Variants in NPEPPS observed in about 807,000 individuals in gnomAD.
The protein encoded by NPEPPS is aminopeptidase puromycin sensitive.
Under a neutral mutation model 115.5 loss-of-function variants are expected in NPEPPS, and 14 were observed. That is an observed-to-expected ratio of 0.12 (90% confidence interval 0.08 to 0.19). The LOEUF is 0.19. Ranked by LOEUF, NPEPPS falls within the 10% of genes least tolerant of loss-of-function variation. The pLI is 1.00. For missense variants in NPEPPS, 523 were observed against 1,110.8 expected, an observed-to-expected ratio of 0.47 and a Z score of 7.52; for synonymous variants, 285 against 390.6, an observed-to-expected ratio of 0.73 and a Z score of 3.19.
chr17:47,569,343 T>C, intron 2 of NPEPPS, 74 bp from the exon 3 acceptor site: 1 of 951,336 alleles, frequency 1.1e-6, no homozygotes, highest in Admixed American at 2.5e-5. Context: ...ATTTTGCTCT[T>C]GAAAATGTTG....
chr17:47,524,722 T>C (rs1456373585), intron 1 of NPEPPS, among the ~76,000 whole-genome samples: 3 of 150,590 alleles, frequency 2.0e-5, no homozygotes, highest in African/African-American at 7.3e-5. Context: ...GCCAGGATGG[T>C]CTCGATCTCC....
At chr17:47,596,746 T>C (rs1157921001) in intron 13 of NPEPPS, among the ~76,000 whole-genome samples, 1 of 152,226 alleles carries the variant, frequency 6.6e-6, no homozygotes, top group Non-Finnish European at 1.5e-5. Flanking sequence ...AAGGTTGGTT[T>C]AACATTTTTT....
In NPEPPS at chr17:47,599,709, A is replaced by C. The variant is rs1463451485; in HGVS notation, c.1570A>C (p.Lys524Gln). ...EDDRLLRLSQ[K>Q]KFCAGGSYVG... ...TGACAGATTATTGAGGTTGTCCCAA[A>C]AGAAGTTCTGTGCTGGTGGGTCATA... is the stretch of plus-strand genomic sequence containing the variant. The change falls in exon 14 of 23, where the codon AAG becomes CAG. Residue 524 changes from lysine to glutamine, a missense_variant. Coordinates refer to ENST00000322157, the MANE Select transcript of NPEPPS (RefSeq NM_006310.4). 1 of 1,563,280 alleles carries C rather than the reference A, an allele frequency of 6.4e-7. No individual in the cohort carries two copies. The highest frequency in any genetic ancestry group is 8.7e-7 in the Non-Finnish European group (1 of 1,152,214).
chr17:47,540,548 T>C (rs1908676500), intron 1 of NPEPPS, among the ~76,000 whole-genome samples: 1 of 152,244 alleles, frequency 6.6e-6, no homozygotes, highest in South Asian at 2.1e-4. Context: ...CACATACACT[T>C]ATGTCCAAAC....
chr17:47,620,933 A>G (rs1914527216), intron 22 of NPEPPS, among the ~76,000 whole-genome samples: 1 of 152,176 alleles, frequency 6.6e-6, no homozygotes, highest in Admixed American at 6.6e-5. Context: ...CTGTAATTCC[A>G]GCATTTTGGG....
At chr17:47,527,491 A>T (rs1201408744), upstream of NPEPPS, among the ~76,000 whole-genome samples, 2 of 152,074 alleles carry the variant, frequency 1.3e-5, no homozygotes, top group African/African-American at 2.4e-5. Context: ...TCTCAAAAAA[A>T]ACCCAAAACA....
chr17:47,531,465 T>A lies in NPEPPS; in HGVS notation c.165T>A (p.Pro55=). ...MPEKRPFERL[P]ADVSPINYSL... ...AGAAGAGGCCCTTCGAGCGGCTGCC[T>A]GCCGATGTCTCCCCCATCAACTACA... The change falls in exon 1 of 23, where the codon CCT becomes CCA. Residue 55 remains proline (P), a synonymous_variant. Transcript: ENST00000322157. The A allele has an allele frequency of 6.3e-7, 1 of 1,594,986 alleles. No homozygotes were observed. Among genetic ancestry groups the A allele is most frequent in the Non-Finnish European group, 8.5e-7 (1 of 1,172,756 alleles).
intron 2 of NPEPPS, among the ~76,000 whole-genome samples, chr17:47,562,775 T>C (rs866489104): frequency 1.5e-5 from 2 of 130,692 alleles, no homozygotes; most frequent in African/African-American, 5.2e-5. Flanking sequence ...AAAAAAAGTT[T>C]AGTTAATTGT....
At chr17:47,532,069 C>G (rs2611979) in intron 1 of NPEPPS, among the ~76,000 whole-genome samples, 1 of 151,656 alleles carries the variant, frequency 6.6e-6, no homozygotes, top group African/African-American at 2.4e-5. Flanking sequence ...GTTGGAGCGA[C>G]GAGGGGAGCT....
At chr17:47,599,653 T>C (rs975969764) in intron 13 of NPEPPS, 23 bp from the exon 14 acceptor site, 23 of 1,551,902 alleles carry the variant, frequency 1.5e-5, no homozygotes, top group African/African-American at 4.1e-5. Context: ...AGTACTATTA[T>C]AGCCTTTGTT....
At chr17:47,523,482 G>A (rs1478934592) in intron 1 of NPEPPS, among the ~76,000 whole-genome samples, 3 of 151,310 alleles carry the variant, frequency 2.0e-5, no homozygotes, top group East Asian at 3.9e-4. Flanking sequence ...GTGCAATGGC[G>A]TGATCTTGAC....
At chr17:47,601,587 G>A (rs1046540888) in intron 14 of NPEPPS, 21 bp from the exon 15 acceptor site, 2 of 1,612,786 alleles carry the variant, frequency 1.2e-6, no homozygotes, top group Admixed American at 1.7e-5. Context: ...TGCAAAATTT[G>A]TTTGTTCTTC....
At chr17:47,530,540 T>G (rs947837911), upstream of NPEPPS, among the ~76,000 whole-genome samples, 1 of 151,160 alleles carries the variant, frequency 6.6e-6, no homozygotes, top group Non-Finnish European at 1.5e-5. Context: ...GTACTTTTAG[T>G]AGAGACGGGG....
At chr17:47,538,750 G>A (rs1188143332) in intron 1 of NPEPPS, among the ~76,000 whole-genome samples, 6 of 150,892 alleles carry the variant, frequency 4.0e-5, no homozygotes, top group South Asian at 2.1e-4. Flanking sequence ...GGCTGGTCTC[G>A]AACTCCTGAC....
chr17:47,578,134 G>A (rs1452394287), intron 3 of NPEPPS, among the ~76,000 whole-genome samples: 1 of 149,804 alleles, frequency 6.7e-6, no homozygotes, highest in East Asian at 2.0e-4. Flanking sequence ...CCCAGGAGGC[G>A]GAGGCTGCAG....
intron 9 of NPEPPS, among the ~76,000 whole-genome samples, chr17:47,589,199 A>G (rs1288143738): frequency 6.6e-6 from 1 of 151,804 alleles, no homozygotes; most frequent in South Asian, 2.1e-4. Context: ...CTCCCACCTC[A>G]GCCTCCCAAA....
chr17:47,593,663 T>C (rs1299325909), intron 12 of NPEPPS, among the ~76,000 whole-genome samples: 2 of 152,188 alleles, frequency 1.3e-5, no homozygotes, highest in Non-Finnish European at 2.9e-5. Flanking sequence ...GTGAACATCA[T>C]AGAATGTACT....
intron 1 of NPEPPS, among the ~76,000 whole-genome samples, chr17:47,536,484 C>G (rs901046635): frequency 2.7e-5 from 4 of 150,904 alleles, no homozygotes; most frequent in Non-Finnish European, 3.0e-5. Context: ...CCTCTGCCCC[C>G]CCAGGTTCAA....
chr17:47,544,635 G>A (rs1909061008), intron 1 of NPEPPS, among the ~76,000 whole-genome samples: 1 of 150,672 alleles, frequency 6.6e-6, no homozygotes, highest in African/African-American at 2.4e-5. Flanking sequence ...CCGGGTTTAA[G>A]CAATTGTCGT....
Sources: gnomAD v4.1 joint callset for allele counts (sites outside exome capture counted in the v4.1 genomes callset) on GRCh38, gnomAD v4.1.1 for gene constraint, MANE v1.5 for transcripts, NCBI Gene and HGNC (gene_info 2026-07-23, HGNC 2026-07-21) for gene names.